SAMMSON: variants seen among roughly 807,000 people sequenced by gnomAD.
The protein encoded by SAMMSON is survival associated mitochondrial melanoma specific oncogenic non-coding RNA.
At chr3:70,072,834 T>C (rs1405489811) in intron 4 of SAMMSON, among the ~76,000 whole-genome samples, 1 of 151,986 alleles carries the variant, frequency 6.6e-6, no homozygotes, top group Non-Finnish European at 1.5e-5. Flanking sequence ...AATTTGAACA[T>C]GGAGCAAATG....
rs376511569 is a variant in SAMMSON, at chr3:70,209,948, A to C, written n.508-39159A>C. On this transcript the variant is annotated intron_variant and non_coding_transcript_variant, in intron 4 of 9. Transcript: ENST00000642114. ...ATACATTAGAGAGTAGCTCAGAAAG[A>C]GCTGATAGATAACGAGACCTTGATG... 1.4e-4 allele frequency among the ~76,000 whole-genome samples: 21 copies of C among 152,222 alleles called. 1 individual carries two copies. Among genetic ancestry groups the C allele is most frequent in the East Asian group, 9.7e-4 (5 of 5,156 alleles).
intron 4 of SAMMSON, among the ~76,000 whole-genome samples, chr3:70,240,655 T>C (rs988480256): frequency 3.9e-5 from 6 of 152,168 alleles, no homozygotes; most frequent in Non-Finnish European, 7.3e-5. Flanking sequence ...TTAATTTGTT[T>C]ATCTTTCTAT....
At chr3:70,417,345 T>C (rs1559584990) in intron 2 of SAMMSON, among the ~76,000 whole-genome samples, 1 of 152,176 alleles carries the variant, frequency 6.6e-6, no homozygotes, top group South Asian at 2.1e-4. Flanking sequence ...TAAACCATCC[T>C]TGTATGGAAG....
intron 6 of SAMMSON, among the ~76,000 whole-genome samples, chr3:70,276,393 T>C (rs563562038): frequency 6.6e-6 from 1 of 152,356 alleles, no homozygotes; most frequent in African/African-American, 2.4e-5. Flanking sequence ...TATTGTCTTG[T>C]GATTATAAGT....
chr3:70,028,469 T>C (rs2067051610), intron 3 of SAMMSON, among the ~76,000 whole-genome samples: 5 of 152,152 alleles, frequency 3.3e-5, no homozygotes, highest in African/African-American at 9.7e-5. Context: ...TGTGAGACTC[T>C]TGTTCTTTGA....
chr3:70,110,492 T>G (rs1559792971), intron 4 of SAMMSON, among the ~76,000 whole-genome samples: 1 of 152,160 alleles, frequency 6.6e-6, no homozygotes, highest in South Asian at 2.1e-4. Context: ...CAGCTGGTCC[T>G]CAGGAGAAAA....
chr3:70,344,991 C>T (rs1319745063), intron 7 of SAMMSON, among the ~76,000 whole-genome samples: 1 of 152,104 alleles, frequency 6.6e-6, no homozygotes, highest in African/African-American at 2.4e-5. Flanking sequence ...CGGTTCTAGA[C>T]CTTCTTAGTT....
intron 4 of SAMMSON, among the ~76,000 whole-genome samples, chr3:70,185,700 C>G (rs1368412626): frequency 6.7e-6 from 1 of 149,204 alleles, no homozygotes; most frequent in Admixed American, 6.9e-5. Flanking sequence ...ATGGGTCATT[C>G]AAAGAGGTTG....
chr3:70,012,985 TG>T (rs2107577653), intron 2 of SAMMSON, among the ~76,000 whole-genome samples: 1 of 152,320 alleles, frequency 6.6e-6, no homozygotes, highest in African/African-American at 2.4e-5. Context: ...CTATCCAGTT[TG>T]TAGACTCTGG....
In SAMMSON at chr3:70,248,205, C is replaced by G. The variant is rs1457283349; in HGVS notation, n.508-902C>G. ...CATGAGTAAGTAAATAATTGCAAAGCATTGTAGTTATGTGCTATAAAAACA... is the reference window on the plus strand; with the variant it reads ...CATGAGTAAGTAAATAATTGCAAAGGATTGTAGTTATGTGCTATAAAAACA... On this transcript the variant is annotated intron_variant and non_coding_transcript_variant, in intron 4 of 9. Coordinates refer to ENST00000642114, the Ensembl canonical transcript of SAMMSON. 2.0e-5 allele frequency among the ~76,000 whole-genome samples: 3 copies of G among 152,104 alleles called. No individual in the cohort carries two copies. The East Asian group carries it at 5.8e-4, about 29-fold the overall frequency.
At chr3:70,245,556 C>A (rs895850266) in intron 4 of SAMMSON, among the ~76,000 whole-genome samples, 3 of 150,552 alleles carry the variant, frequency 2.0e-5, no homozygotes, top group Admixed American at 1.3e-4. Flanking sequence ...TGATGCCAAC[C>A]TTAACTAGTA....
At chr3:70,085,142 C>A (rs1474579548) in intron 4 of SAMMSON, among the ~76,000 whole-genome samples, 1 of 152,136 alleles carries the variant, frequency 6.6e-6, no homozygotes, top group East Asian at 1.9e-4. Context: ...AGAGTGGGCA[C>A]CTTTTCCAAC....
intron 4 of SAMMSON, among the ~76,000 whole-genome samples, chr3:70,167,655 G>A (rs1032081628): frequency 1.5e-4 from 22 of 151,706 alleles, no homozygotes; most frequent in African/African-American, 5.3e-4. Context: ...TGGAAATCTG[G>A]TCAACTAGAT....
At chr3:70,413,475 G>A (rs1246850013) in intron 2 of SAMMSON, among the ~76,000 whole-genome samples, 1 of 152,106 alleles carries the variant, frequency 6.6e-6, no homozygotes, top group Non-Finnish European at 1.5e-5. Context: ...TTGTAAGCCT[G>A]TCCTACAGAA....
intron 4 of SAMMSON, among the ~76,000 whole-genome samples, chr3:70,100,150 C>CT (rs943408404): frequency 9.2e-5 from 14 of 151,362 alleles, no homozygotes; most frequent in South Asian, 4.2e-4. Flanking sequence ...TTTTCATACT[C>CT]TTTTTTTTTA....
At chr3:70,224,409 A>G (rs1701485476) in intron 4 of SAMMSON, among the ~76,000 whole-genome samples, 1 of 152,188 alleles carries the variant, frequency 6.6e-6, no homozygotes, top group African/African-American at 2.4e-5. Context: ...CTATTCTAGA[A>G]GCCCTTTGGA....
At chr3:70,387,177 T>G (rs2106755165) in intron 9 of SAMMSON, among the ~76,000 whole-genome samples, 1 of 152,158 alleles carries the variant, frequency 6.6e-6, no homozygotes, top group East Asian at 1.9e-4. Flanking sequence ...AGTTTTAAAC[T>G]CTTTTTAAAA....
rs79677198 is a variant in SAMMSON, at chr3:70,222,272, A to G, written n.508-26835A>G. 8.5e-3 allele frequency among the ~76,000 whole-genome samples: 1,299 copies of G among 152,050 alleles called. 22 individuals are homozygous for G. Among genetic ancestry groups the G allele is most frequent in the African/African-American group, 0.03 (1,226 of 41,482 alleles). ...TTGCTTTTGGCAACTGGAGATGAAG[A>G]CTCTTTGAAACTTCAGGTCCTCTAC... On this transcript the variant is annotated intron_variant and non_coding_transcript_variant, in intron 4 of 9. Coordinates refer to ENST00000642114, the Ensembl canonical transcript of SAMMSON.
chr3:70,093,792 A>G (rs1409095667), intron 4 of SAMMSON, among the ~76,000 whole-genome samples: 1 of 152,160 alleles, frequency 6.6e-6, no homozygotes, highest in Non-Finnish European at 1.5e-5. Flanking sequence ...CTTCTGAAGA[A>G]AGTGTTTGAA....
Sources: allele counts gnomAD v4.1 joint callset (sites outside exome capture counted in the v4.1 genomes callset), GRCh38; gene constraint gnomAD v4.1.1; transcripts MANE v1.5; gene names NCBI Gene and HGNC (gene_info 2026-07-23, HGNC 2026-07-21).